The following PRUNE2 variants were observed in gnomAD, a reference collection of about 807,000 sequenced individuals.
PRUNE2 encodes prune homolog 2 with BCH domain, also known as protein prune homolog 2.
A neutral mutation model predicts 252.0 loss-of-function variants in PRUNE2; 164 were observed. The ratio of observed to expected loss-of-function variants is 0.65; its 90% CI spans 0.57 to 0.74. PRUNE2 has a LOEUF of 0.74. PRUNE2 is among the 30% of genes least tolerant of loss of function. PRUNE2 has a pLI of 0.00. For synonymous variants in PRUNE2, 1,292 were observed against 1,350.2 expected (o/e 0.96, Z 0.94); for missense variants, 3,495 against 3,711.0 (o/e 0.94, Z 1.51).
chr9:76,639,541 G>A (rs760304230), intron 12 of PRUNE2, among the ~76,000 whole-genome samples: 1 of 152,096 alleles, frequency 6.6e-6, no homozygotes. Flanking sequence ...TTACTGCCAC[G>A]TAATCACTCA....
intron 1 of PRUNE2, among the ~76,000 whole-genome samples, chr9:76,882,371 G>T (rs1400395888): frequency 6.6e-6 from 1 of 152,188 alleles, no homozygotes; most frequent in Non-Finnish European, 1.5e-5. Context: ...TATTCATTTT[G>T]TAACATTTCC....
intron 11 of PRUNE2, among the ~76,000 whole-genome samples, chr9:76,646,656 G>C (rs1039423049): frequency 1.3e-5 from 2 of 152,066 alleles, no homozygotes; most frequent in African/African-American, 2.4e-5. Flanking sequence ...TCCCTTCCTG[G>C]AACTCAATTT....
intron 9 of PRUNE2, among the ~76,000 whole-genome samples, chr9:76,666,374 T>C (rs1372551451): frequency 6.6e-6 from 1 of 152,172 alleles, no homozygotes; most frequent in East Asian, 1.9e-4. Flanking sequence ...GGCCTAACCA[T>C]CTCCCTGTGA....
chr9:76,753,796 T>C (rs1430442207), intron 6 of PRUNE2, among the ~76,000 whole-genome samples: 1 of 151,912 alleles, frequency 6.6e-6, no homozygotes, highest in African/African-American at 2.4e-5. Context: ...CGGGCACCTG[T>C]AGTCCCAGCT....
At chr9:76,711,392 C>A in intron 7 of PRUNE2, 34 bp from the exon 8 acceptor site, 1 of 1,488,604 alleles carries the variant, frequency 6.7e-7, no homozygotes. Flanking sequence ...TGTCAGCACT[C>A]AAGCACTGTT....
At chr9:76,812,106 G>A (rs1364670629) in intron 6 of PRUNE2, among the ~76,000 whole-genome samples, 1 of 151,956 alleles carries the variant, frequency 6.6e-6, no homozygotes, top group Non-Finnish European at 1.5e-5. Flanking sequence ...GTGAAAGCTC[G>A]GGAGGAAAAT....
At position 76,710,576 on chromosome 9, in the gene PRUNE2, A is replaced by G. The variant is rs1472378714; in HGVS notation, c.1698T>C (p.His566=). ...CTTGTCTCTGGACAAACTCCTCATC[A>G]TGTTCCACAAGGCTATCTTTGCCAG... ...SGAGKDSLVE[H]DEEFVQRQDS... Residue 566 remains histidine (H), a synonymous_variant, in exon 8 of 19, where the codon CAT becomes CAC. Coordinates refer to ENST00000376718, the MANE Select transcript of PRUNE2 (RefSeq NM_015225.3). 2.5e-6 allele frequency: 4 copies of G among 1,613,718 alleles called. No homozygotes were observed. Among genetic ancestry groups the G allele is most frequent in the African/African-American group, 1.3e-5 (1 of 74,924 alleles).
rs2039286358 is a variant in PRUNE2, at chr9:76,662,499, C to T, written c.8277-6997G>A. On this transcript the variant is annotated intron_variant, in intron 9 of 18. Transcript: ENST00000376718. ...CATTCTGCATTTTGTATTTTTTCAA[C>T]GTATCTGAATCTGGAGGGATTTGAC... Among the ~76,000 whole-genome samples, 3 of 152,110 alleles carry T rather than the reference C, an allele frequency of 2.0e-5. No homozygotes were observed. In the South Asian group the frequency reaches 6.2e-4, roughly 31 times the overall value.
At chr9:76,755,434 G>A (rs1261361131) in intron 6 of PRUNE2, among the ~76,000 whole-genome samples, 2 of 146,736 alleles carry the variant, frequency 1.4e-5, no homozygotes, top group Non-Finnish European at 2.9e-5. Flanking sequence ...GTGCCACTCT[G>A]GGGATATAAA....
At chr9:76,810,663 TA>T (rs2057298029) in intron 6 of PRUNE2, among the ~76,000 whole-genome samples, 1 of 152,202 alleles carries the variant, frequency 6.6e-6, no homozygotes, top group Non-Finnish European at 1.5e-5. Context: ...GTAACTATCC[TA>T]AATTATTCCT....
chr9:76,853,113 C>G (rs967131527), intron 2 of PRUNE2, among the ~76,000 whole-genome samples: 1 of 152,160 alleles, frequency 6.6e-6, no homozygotes, highest in East Asian at 1.9e-4. Context: ...CAATTAATCT[C>G]CCTTGTAAAG....
In PRUNE2 at chr9:76,850,615, A is replaced by G. The variant is rs2132546100; in HGVS notation, c.192T>C (p.Thr64=). The part of the protein sequence containing the change: ...LCLPVLNIPR[T]EFNYFTETRF... ...TCGTCTCGGTGAAGTAGTTGAATTC[A>G]GTTCTTGGTATGTTCAGCACTGGTA... Residue 64 remains threonine, a synonymous_variant, in exon 3 of 19, where the codon ACT becomes ACC. Coordinates refer to ENST00000376718, the MANE Select transcript of PRUNE2 (RefSeq NM_015225.3). 2 of 1,614,186 alleles carry G rather than the reference A, an allele frequency of 1.2e-6. No individual in the cohort carries two copies. The highest frequency in any genetic ancestry group is 1.3e-5 in the African/African-American group (1 of 75,066).
chr9:76,741,037 A>G (rs1300891952), intron 6 of PRUNE2, among the ~76,000 whole-genome samples: 1 of 152,232 alleles, frequency 6.6e-6, no homozygotes, highest in Non-Finnish European at 1.5e-5. Context: ...TTAAGGGTGA[A>G]GAATACACTC....
At position 76,708,607 on chromosome 9, in the gene PRUNE2, C is replaced by G. The variant is rs765487230; in HGVS notation, c.3667G>C (p.Val1223Leu). The G allele has an allele frequency of 6.2e-7, 1 of 1,613,938 alleles. No individual in the cohort carries two copies. Among genetic ancestry groups the G allele is most frequent in the South Asian group, 1.1e-5 (1 of 91,078 alleles). The change falls in exon 8 of 19, where the codon GTC (valine) becomes CTC (leucine). Residue 1223 changes from valine to leucine, a missense_variant. Transcript: ENST00000376718. ...QLIANSIWDS[V>L]MRDKDMSSFM... Reference sequence around the variant, plus strand: ...GATGACATGTCTTTATCTCTCATGACAGAATCCCAAATACTGTTTGCAATT... The same window carrying G: ...GATGACATGTCTTTATCTCTCATGAGAGAATCCCAAATACTGTTTGCAATT...
Position 76,709,784 on chromosome 9 carries a change from G to A in PRUNE2, c.2490C>T (p.Asp830=). 1 of 1,613,928 alleles carries A rather than the reference G, an allele frequency of 6.2e-7. No homozygotes were observed. Among genetic ancestry groups the A allele is most frequent in the East Asian group, 2.2e-5 (1 of 44,868 alleles). Residue 830 remains aspartate, a synonymous_variant, in exon 8 of 19, where the codon GAC becomes GAT. Transcript: ENST00000376718. The part of the protein sequence containing the change: ...PTSSKTPSVR[D]PNEWAMAKSG... ...TTTTTGCCATGGCCCACTCATTCGG[G>A]TCCCTAACAGAAGGTGTCTTGCTGC...
At chr9:76,683,787 T>A (rs544705235) in intron 9 of PRUNE2, among the ~76,000 whole-genome samples, 62 of 152,198 alleles carry the variant, frequency 4.1e-4, no homozygotes, top group African/African-American at 1.4e-3. Context: ...AACCTGATGC[T>A]AACATATATG....
chr9:76,884,437 C>A (rs28696128), intron 1 of PRUNE2, among the ~76,000 whole-genome samples: 1 of 152,186 alleles, frequency 6.6e-6, no homozygotes, highest in Non-Finnish European at 1.5e-5. Context: ...GGATTGTATA[C>A]TATCCTCGTA....
chr9:76,703,223 A>G, intron 9 of PRUNE2, 114 bp downstream of exon 9: 9 of 887,724 alleles, frequency 1.0e-5, no homozygotes, highest in Non-Finnish European at 1.5e-5. Flanking sequence ...CATTCAATAT[A>G]AGCAAAGCTG....
chr9:76,678,169 C>A (rs574657456), intron 9 of PRUNE2, among the ~76,000 whole-genome samples: 4 of 151,594 alleles, frequency 2.6e-5, no homozygotes, highest in African/African-American at 9.7e-5. Flanking sequence ...CTGGCCAACA[C>A]GGCAAAACCC....
Sources: allele counts gnomAD v4.1 joint callset (sites outside exome capture counted in the v4.1 genomes callset), GRCh38; gene constraint gnomAD v4.1.1; transcripts MANE v1.5; gene names NCBI Gene and HGNC (gene_info 2026-07-23, HGNC 2026-07-21).